NALCN: variants seen among roughly 807,000 people sequenced by gnomAD.
NALCN encodes sodium leak channel NALCN.
Under a neutral mutation model 225.3 loss-of-function variants are expected in NALCN, and 111 were observed. That is an observed-to-expected ratio of 0.49 (90% CI 0.42 to 0.58). The LOEUF is 0.58. NALCN is among the 20% of genes least tolerant of loss of function. The probability of loss-of-function intolerance (pLI) is 0.00; values close to 1 mark genes in which losing one functional copy is unlikely to be tolerated. For synonymous variants in NALCN, 764 were observed against 769.0 expected, an observed-to-expected ratio of 0.99 and a Z score of 0.11; for missense variants, 1,378 against 2,202.4, an observed-to-expected ratio of 0.63 and a Z score of 7.49.
intron 27 of NALCN, among the ~76,000 whole-genome samples, chr13:101,098,798 T>C (rs981814510): frequency 1.3e-5 from 2 of 151,522 alleles, no homozygotes; most frequent in Non-Finnish European, 2.9e-5. Context: ...CGGCCTCTTA[T>C]GTTTGGATTT....
chr13:101,232,907 C>A (rs1181323671), intron 12 of NALCN, among the ~76,000 whole-genome samples: 2 of 152,008 alleles, frequency 1.3e-5, no homozygotes, highest in African/African-American at 4.8e-5. Flanking sequence ...ACATTTTTAT[C>A]AGATTTGTCT....
At chr13:101,067,565 G>A (rs2032525961) in intron 39 of NALCN, among the ~76,000 whole-genome samples, 1 of 152,220 alleles carries the variant, frequency 6.6e-6, no homozygotes, top group Non-Finnish European at 1.5e-5. Flanking sequence ...TGCTGCTTGA[G>A]TTTGAGGTGA....
chr13:101,399,717 T>C (rs1391130353), intron 1 of NALCN, among the ~76,000 whole-genome samples: 1 of 152,222 alleles, frequency 6.6e-6, no homozygotes, highest in Non-Finnish European at 1.5e-5. Context: ...TGTTGTTTTA[T>C]GAATGCAGTG....
chr13:101,138,916 C>T (rs930546921), intron 17 of NALCN, among the ~76,000 whole-genome samples: 13 of 152,080 alleles, frequency 8.5e-5, no homozygotes, highest in Non-Finnish European at 1.8e-4. Context: ...TGTCAAAATC[C>T]TTGAATCAGG....
intron 6 of NALCN, among the ~76,000 whole-genome samples, chr13:101,359,853 C>G (rs1019989359): frequency 2.6e-5 from 4 of 152,134 alleles, no homozygotes; most frequent in Non-Finnish European, 4.4e-5. Context: ...GAAACTGAGG[C>G]TTTCTTCCAG....
At chr13:101,380,927 T>C (rs1047684010) in intron 3 of NALCN, among the ~76,000 whole-genome samples, 1 of 148,630 alleles carries the variant, frequency 6.7e-6, no homozygotes, top group African/African-American at 2.5e-5. Flanking sequence ...AAAAGAACAG[T>C]CTTGTAGAAA....
In NALCN at chr13:101,102,816, C is replaced by A. The variant is rs563956413; in HGVS notation, c.3057+356G>T. ...GAGCCCAAAAGCATGAATTCCTAAT[C>A]CCATTTGTGGAGTACACAGTGTTGA... is the stretch of plus-strand genomic sequence containing the variant. On this transcript the variant is annotated intron_variant, in intron 26 of 43. Coordinates refer to ENST00000251127, the MANE Select transcript of NALCN (RefSeq NM_052867.4). Among the ~76,000 whole-genome samples, 3 of 152,282 alleles carry A rather than the reference C, an allele frequency of 2.0e-5. No individual in the cohort carries two copies. In the East Asian group the frequency reaches 5.8e-4, roughly 29 times the overall value.
intron 6 of NALCN, among the ~76,000 whole-genome samples, chr13:101,350,775 G>C (rs9557621): frequency 0.32 from 48,802 of 152,016 alleles, 7,961 homozygotes; most frequent in Admixed American, 0.41. Context: ...TAATGTGAGT[G>C]GGACTCATCT....
At chr13:101,083,259 GTTTAT>G in intron 31 of NALCN, 61 bp from the exon 32 acceptor site, 1 of 1,355,120 alleles carries the variant, frequency 7.4e-7, no homozygotes, top group Non-Finnish European at 1.0e-6. Flanking sequence ...CTTTCTTGTC[GTTTAT>G]TTTCTTAAAT....
intron 6 of NALCN, among the ~76,000 whole-genome samples, chr13:101,356,311 TAAA>T (rs2139343616): frequency 6.6e-6 from 1 of 151,844 alleles, no homozygotes; most frequent in Non-Finnish European, 1.5e-5. Context: ...GCTAAACTGA[TAAA>T]GAAGAAAAGA....
Position 101,292,631 on chromosome 13 carries a change from A to G in NALCN, c.800-265T>C, listed in dbSNP as rs2043595744. 6.6e-6 allele frequency among the ~76,000 whole-genome samples: 1 copy of G among 152,222 alleles called. No homozygotes were observed. Among genetic ancestry groups the G allele is most frequent in the African/African-American group, 2.4e-5 (1 of 41,458 alleles). On this transcript the variant is annotated intron_variant, in intron 7 of 43. Coordinates refer to ENST00000251127, the MANE Select transcript of NALCN (RefSeq NM_052867.4). This position sits in a 1 kb window ranked among gnomAD's most constrained non-coding sequence, Gnocchi z 4.3. ...CTTTAGCTGTTAAATGCAAATAATA[A>G]TGTGGAAAAGGAAATAAACAGTCAA... is the stretch of plus-strand genomic sequence containing the variant.
At chr13:101,077,415 T>C (rs2033330764) in intron 34 of NALCN, among the ~76,000 whole-genome samples, 1 of 152,130 alleles carries the variant, frequency 6.6e-6, no homozygotes, top group South Asian at 2.1e-4. Context: ...AACTTCCTAC[T>C]TGTTGGATAG....
chr13:101,393,972 T>C (rs1415580740), intron 3 of NALCN, among the ~76,000 whole-genome samples: 1 of 152,322 alleles, frequency 6.6e-6, no homozygotes, highest in East Asian at 1.9e-4. Flanking sequence ...GTTACAAATA[T>C]TTTATCATAT....
At chr13:101,159,366 G>C (rs2038053467) in intron 15 of NALCN, among the ~76,000 whole-genome samples, 1 of 152,178 alleles carries the variant, frequency 6.6e-6, no homozygotes, top group Admixed American at 6.5e-5. Flanking sequence ...TTGCAGCACA[G>C]GTCAGGTACA....
At chr13:101,361,743 G>A (rs2046257745) in intron 6 of NALCN, among the ~76,000 whole-genome samples, 1 of 152,038 alleles carries the variant, frequency 6.6e-6, no homozygotes, top group Non-Finnish European at 1.5e-5. Context: ...TACAGCAATT[G>A]TTCAATAAAA....
At chr13:101,094,144 G>C (rs12867371) in intron 28 of NALCN, among the ~76,000 whole-genome samples, 27,047 of 152,160 alleles carry the variant, frequency 0.18, 2,885 homozygotes, top group Non-Finnish European at 0.25. Flanking sequence ...CTTTGGAGGG[G>C]GGTACCCTTT....
At chr13:101,079,168 T>C (rs879424710) in intron 34 of NALCN, among the ~76,000 whole-genome samples, 5 of 152,246 alleles carry the variant, frequency 3.3e-5, no homozygotes, top group Admixed American at 2.6e-4. Context: ...TATTTCTTCA[T>C]AACAGTGTGA....
chr13:101,156,128 C>G (rs1039699348), intron 15 of NALCN, among the ~76,000 whole-genome samples: 45 of 152,136 alleles, frequency 3.0e-4, no homozygotes, highest in Admixed American at 1.3e-4. Flanking sequence ...CCACTGGGGG[C>G]ACTTTCAGTC....
intron 20 of NALCN, 43 bp from the exon 21 acceptor site, chr13:101,107,832 T>G: frequency 1.3e-6 from 2 of 1,533,372 alleles, no homozygotes; most frequent in Non-Finnish European, 1.8e-6. Flanking sequence ...CAGGAGGGTT[T>G]TGAATGCAAA....
Sources: gnomAD v4.1 joint callset for allele counts (sites outside exome capture counted in the v4.1 genomes callset) on GRCh38, gnomAD v4.1.1 for gene constraint, Gnocchi (gnomAD v3.1) non-coding constraint, MANE v1.5 for transcripts, NCBI Gene and HGNC (gene_info 2026-07-23, HGNC 2026-07-21) for gene names.